RMI1: variants seen among roughly 807,000 people sequenced by gnomAD.
The protein encoded by RMI1 is RecQ mediated genome instability 1, also known as recQ-mediated genome instability protein 1.
Under a neutral mutation model 46.7 loss-of-function variants are expected in RMI1, and 36 were observed. The ratio of observed to expected loss-of-function variants is 0.77; its 90% confidence interval spans 0.59 to 1.02. The LOEUF (loss-of-function observed/expected upper bound fraction) is 1.02. RMI1 is among the 50% of genes least tolerant of loss of function. The probability of loss-of-function intolerance (pLI) is 0.00; values close to 1 mark genes in which losing one functional copy is unlikely to be tolerated. For missense variants in RMI1, 676 were observed against 713.7 expected (o/e 0.95, Z 0.60); for synonymous variants, 250 against 252.9 (o/e 0.99, Z 0.11).
rs780353764 is a variant in RMI1, at chr9:84,002,321, A to G, written c.1335A>G (p.Arg445=). ...SHSLNNKILN[R]EVVNYVQKRN... Reference sequence around the variant, plus strand: ...CCTTAAATAATAAAATATTAAATAGAGAGGTGGTCAACTATGTACAGAAAA... The same window carrying G: ...CCTTAAATAATAAAATATTAAATAGGGAGGTGGTCAACTATGTACAGAAAA... Residue 445 remains arginine (R), a synonymous_variant, in exon 3 of 3, where the codon AGA becomes AGG. Transcript: ENST00000445877. 1.9e-6 allele frequency: 3 copies of G among 1,599,742 alleles called. No homozygotes were observed. The South Asian group carries it at 3.3e-5, about 18-fold the overall frequency.
At chr9:83,996,305 A>G (rs1215193153) in intron 1 of RMI1, among the ~76,000 whole-genome samples, 1 of 152,226 alleles carries the variant, frequency 6.6e-6, no homozygotes, top group Non-Finnish European at 1.5e-5. Context: ...TTCCCGCCAC[A>G]TGTAGGTGTT....
intron 1 of RMI1, among the ~76,000 whole-genome samples, chr9:83,984,804 C>G (rs1957467727): frequency 6.6e-6 from 1 of 152,094 alleles, no homozygotes. Context: ...CTCAGGTGAT[C>G]CACCTGCCTC....
upstream of RMI1, chr9:83,980,564 G>A (rs1588449441): frequency 6.5e-6 from 1 of 152,786 alleles, no homozygotes; most frequent in Non-Finnish European, 1.5e-5. Context: ...CAGAGAAACA[G>A]AGGATAATGG....
intron 1 of RMI1, among the ~76,000 whole-genome samples, chr9:83,988,285 A>G (rs1957521601): frequency 6.6e-6 from 1 of 152,116 alleles, no homozygotes; most frequent in Admixed American, 6.5e-5. Context: ...TTTGATTTCT[A>G]AGAAAATGCT....
intron 1 of RMI1, among the ~76,000 whole-genome samples, chr9:83,991,389 GACTACAGCCTCA>G (rs1457215925): frequency 6.6e-6 from 1 of 151,678 alleles, no homozygotes; most frequent in Non-Finnish European, 1.5e-5. Context: ...AAACATGGCT[GACTACAGCCTCA>G]ACCTCCTGGG....
At chr9:83,997,866 A>C (rs1957681672) in intron 1 of RMI1, among the ~76,000 whole-genome samples, 1 of 150,836 alleles carries the variant, frequency 6.6e-6, no homozygotes, top group Non-Finnish European at 1.5e-5. Context: ...GTGCAGTCAT[A>C]GCTCATGGTA....
intron 1 of RMI1, among the ~76,000 whole-genome samples, chr9:83,989,671 A>AAT (rs1554705258): frequency 6.8e-6 from 1 of 146,556 alleles, no homozygotes; most frequent in Admixed American, 6.6e-5. Flanking sequence ...AAAAGACAAA[A>AAT]AAAAAAATAA....
rs1327589801 is a variant in RMI1 at position 84,004,030 on chromosome 9, G to GTGC, written c.*1168_*1170dup. 1 of 159,374 alleles carries GTGC rather than the reference G, an allele frequency of 6.3e-6. No individual in the cohort carries two copies. Among genetic ancestry groups the GTGC allele is most frequent in the African/African-American group, 2.4e-5 (1 of 41,400 alleles). 9.9% of individuals were successfully genotyped at this position (159,374 alleles called of 1,614,324 possible). ...ATCTTTTGTCTTAAAATAATTTAAAGTGCTTTGAATTTTAAAACATTAAAC... is the reference window on the plus strand; with the variant it reads ...ATCTTTTGTCTTAAAATAATTTAAAGTGCTGCTTTGAATTTTAAAACATTAAAC... On this transcript the variant is annotated 3_prime_UTR_variant, in exon 3 of 3. Coordinates refer to ENST00000445877, the MANE Select transcript of RMI1 (RefSeq NM_001358291.2).
In RMI1 at chr9:83,999,722, C is replaced by A. The variant is rs893566617; in HGVS notation, c.-112C>A. ...CTTATCTCCCAGGGCCATTTCTGAGCAGTGGAGGTTTCAAGTAATCCACTA... is the reference window on the plus strand; with the variant it reads ...CTTATCTCCCAGGGCCATTTCTGAGAAGTGGAGGTTTCAAGTAATCCACTA... On this transcript the variant is annotated 5_prime_UTR_variant, in exon 2 of 3. Transcript: ENST00000445877. 1 of 152,200 alleles carries A rather than the reference C, an allele frequency of 6.6e-6. No individual in the cohort carries two copies. Among genetic ancestry groups the A allele is most frequent in the Non-Finnish European group, 1.5e-5 (1 of 68,036 alleles). 9.4% of individuals were successfully genotyped at this position (152,200 alleles called of 1,614,324 possible).
In RMI1 at chr9:84,002,599, C is replaced by T; in HGVS notation, c.1613C>T (p.Thr538Ile). ...WSITAKVSDG[T>I]AYLDVDFVDE... ...ATAACTGCAAAGGTGTCTGATGGTACTGCATATCTAGATGTAGACTTTGTG... is the reference window on the plus strand; with the variant it reads ...ATAACTGCAAAGGTGTCTGATGGTATTGCATATCTAGATGTAGACTTTGTG... Residue 538 changes from threonine (T) to isoleucine (I), a missense_variant, in exon 3 of 3, where the codon ACT becomes ATT. Transcript: ENST00000445877. 1 of 1,613,916 alleles carries T rather than the reference C, an allele frequency of 6.2e-7. No homozygotes were observed. Among genetic ancestry groups the T allele is most frequent in the Non-Finnish European group, 8.5e-7 (1 of 1,179,888 alleles).
chr9:83,999,452 T>C (rs2133127966), intron 1 of RMI1, among the ~76,000 whole-genome samples: 1 of 152,334 alleles, frequency 6.6e-6, no homozygotes, highest in African/African-American at 2.4e-5. Flanking sequence ...AGTAAGAGTT[T>C]ATGATATAGT....
Position 84,002,939 on chromosome 9 carries a change from G to T in RMI1, c.*75G>T. ...AGAATTTGTTCACAATTTTACTTATGATACTTTGTGTAAAAAGGAAAAATG... is the reference window on the plus strand; with the variant it reads ...AGAATTTGTTCACAATTTTACTTATTATACTTTGTGTAAAAAGGAAAAATG... On this transcript the variant is annotated 3_prime_UTR_variant, in exon 3 of 3. Transcript: ENST00000445877. 1 of 894,022 alleles carries T rather than the reference G, an allele frequency of 1.1e-6. No individual in the cohort carries two copies. The highest frequency in any genetic ancestry group is 1.6e-6 in the Non-Finnish European group (1 of 612,284). The allele number at this position is 894,022 out of a possible 1,614,324, so 55.4% of individuals were successfully genotyped here. A position where few individuals can be genotyped will look rare whatever the true frequency, so the allele number is the denominator to read the frequency against.
intron 2 of RMI1, among the ~76,000 whole-genome samples, chr9:84,000,040 GTTAT>G (rs1453274263): frequency 1.3e-5 from 2 of 152,256 alleles, no homozygotes; most frequent in African/African-American, 2.4e-5. Flanking sequence ...AGAGTCTGCT[GTTAT>G]TTGTTATAAT....
At position 83,994,143 on chromosome 9, in the gene RMI1, A is replaced by AT. The variant is rs202006926; in HGVS notation, c.-125-5560dup. ...TCTTTGCCCATTTTCAAATTGGATT[A>AT]TTTTTTGTTGTTAATTATCAAGTTG... On this transcript the variant is annotated intron_variant, in intron 1 of 2. Transcript: ENST00000445877. Among the ~76,000 whole-genome samples the AT allele has an allele frequency of 8.0e-3, 1,214 of 152,084 alleles. 31 individuals carry two copies. The highest frequency in any genetic ancestry group is 0.034 in the East Asian group (175 of 5,178).
chr9:83,998,291 A>G (rs1957688690), intron 1 of RMI1, among the ~76,000 whole-genome samples: 1 of 152,214 alleles, frequency 6.6e-6, no homozygotes, highest in Non-Finnish European at 1.5e-5. Context: ...TTTCTTTAAT[A>G]TAAAGATTAA....
chr9:83,989,471 G>GC (rs1957536498), intron 1 of RMI1, among the ~76,000 whole-genome samples: 1 of 152,092 alleles, frequency 6.6e-6, no homozygotes, highest in African/African-American at 2.4e-5. Flanking sequence ...TATATAAGGA[G>GC]CTGAAACAAT....
chr9:83,996,534 T>A (rs1433410167), intron 1 of RMI1, among the ~76,000 whole-genome samples: 3 of 152,222 alleles, frequency 2.0e-5, no homozygotes, highest in Non-Finnish European at 4.4e-5. Context: ...TGTTATTGAG[T>A]GTAGCTAAAT....
chr9:83,996,318 G>C (rs1219222912), intron 1 of RMI1, among the ~76,000 whole-genome samples: 1 of 152,208 alleles, frequency 6.6e-6, no homozygotes, highest in Non-Finnish European at 1.5e-5. Context: ...TAGGTGTTGG[G>C]TGGAACTTTT....
At position 84,002,985 on chromosome 9, in the gene RMI1, G is replaced by T; in HGVS notation, c.*121G>T. 8.9e-6 allele frequency: 5 copies of T among 563,234 alleles called. No individual in the cohort carries two copies. The highest frequency in any genetic ancestry group is 3.4e-5 in the South Asian group (1 of 29,668). 34.9% of individuals were successfully genotyped at this position (563,234 alleles called of 1,614,324 possible). A position where few individuals can be genotyped will look rare whatever the true frequency, so the allele number is the denominator to read the frequency against. The stretch of plus-strand genomic sequence containing the variant: ...AAATGAAATTTCATAGCTTATTTCA[G>T]TTTAATTTTAAAGTGTTTAATCATG... On this transcript the variant is annotated 3_prime_UTR_variant, in exon 3 of 3. Coordinates refer to ENST00000445877, the MANE Select transcript of RMI1 (RefSeq NM_001358291.2).
Sources: gnomAD v4.1 joint callset for allele counts (sites outside exome capture counted in the v4.1 genomes callset) on GRCh38, gnomAD v4.1.1 for gene constraint, MANE v1.5 for transcripts, NCBI Gene and HGNC (gene_info 2026-07-23, HGNC 2026-07-21) for gene names.